Variants in MECOM observed in about 807,000 individuals in gnomAD.
MECOM encodes MDS1 and EVI1 complex locus, also known as histone-lysine N-methyltransferase MECOM.
A neutral mutation model predicts 116.3 loss-of-function variants in MECOM; 13 were observed. The ratio of observed to expected loss-of-function variants is 0.11; its 90% CI spans 0.07 to 0.18. MECOM has a LOEUF of 0.18. Among genes scored for constraint, MECOM ranks in the 10% least tolerant of loss-of-function variants. The pLI is 1.00. For missense variants in MECOM, 1,299 were observed against 1,509.0 expected (o/e 0.86, Z 2.31); for synonymous variants, 528 against 535.2 (o/e 0.99, Z 0.19).
chr3:169,092,627 G>A (rs1262256575), intron 14 of MECOM, among the ~76,000 whole-genome samples: 1 of 151,938 alleles, frequency 6.6e-6, no homozygotes, highest in South Asian at 2.1e-4. Flanking sequence ...CTAAATCCTG[G>A]TAAAATTATG....
rs1395892824 is a variant in MECOM, at chr3:169,131,509, T to C, written c.533A>G (p.Asp178Gly). 6.2e-7 allele frequency: 1 copy of C among 1,613,566 alleles called. No homozygotes were observed. The highest frequency in any genetic ancestry group is 1.1e-5 in the South Asian group (1 of 91,016). Reference protein sequence around the residue: ...NDQIFYRVVADIAPGEELLLF... With the variant: ...NDQIFYRVVAGIAPGEELLLF... ...CAGAAGCTCCTCTCCCGGCGCAATG[T>C]CTGCAACTACTCTATAGAATATCTT... Residue 178 changes from aspartate to glycine, a missense_variant, in exon 4 of 17, where the codon GAC becomes GGC. Around this residue, in one of 6 missense-constraint regions of MECOM, gnomAD observed 374 missense variants for 433.4 expected, o/e 0.86. Transcript: ENST00000651503.
intron 1 of MECOM, among the ~76,000 whole-genome samples, chr3:169,474,463 C>T (rs1055186473): frequency 6.6e-6 from 1 of 152,012 alleles, no homozygotes; most frequent in African/African-American, 2.4e-5. Flanking sequence ...GGTAATATAC[C>T]ACCTTGGGTT....
intron 2 of MECOM, among the ~76,000 whole-genome samples, chr3:169,217,834 T>A (rs1460468823): frequency 7.7e-6 from 1 of 130,666 alleles, no homozygotes; most frequent in East Asian, 2.1e-4. Context: ...CAAAATAAAA[T>A]ATATATGTAA....
chr3:169,261,699 C>A (rs893627665), intron 2 of MECOM, among the ~76,000 whole-genome samples: 3 of 149,436 alleles, frequency 2.0e-5, no homozygotes, highest in Admixed American at 1.3e-4. Flanking sequence ...GAAACTCCAT[C>A]TCAAGAAGAA....
chr3:169,643,914 C>A (rs1441984819), intron 1 of MECOM, among the ~76,000 whole-genome samples: 6 of 152,162 alleles, frequency 3.9e-5, no homozygotes, highest in African/African-American at 1.4e-4. Context: ...CACAAAACTG[C>A]CTCTGATAGC....
intron 2 of MECOM, among the ~76,000 whole-genome samples, chr3:169,340,049 A>G (rs1177279326): frequency 6.6e-6 from 1 of 152,234 alleles, no homozygotes; most frequent in Non-Finnish European, 1.5e-5. Flanking sequence ...AAACACTGCC[A>G]GTGAATTTTT....
intron 1 of MECOM, among the ~76,000 whole-genome samples, chr3:169,636,585 C>G (rs1210651577): frequency 6.6e-6 from 1 of 152,178 alleles, no homozygotes; most frequent in Admixed American, 6.5e-5. Context: ...CAGTTTATAA[C>G]TGCCAAGTAG....
At chr3:169,378,493 GAAAGAAAGAAAGAAAGAAAGAAA>G (rs2108255024) in intron 2 of MECOM, among the ~76,000 whole-genome samples, 2 of 30,906 alleles carry the variant, frequency 6.5e-5, no homozygotes, top group South Asian at 1.7e-3. Context: ...GAGAGAGAAA[GAAAGAAAGAAAGAAAGAAAGAAA>G]AGAAAGAAAG....
At chr3:169,347,005 C>A (rs993927130) in intron 2 of MECOM, among the ~76,000 whole-genome samples, 2 of 151,982 alleles carry the variant, frequency 1.3e-5, no homozygotes, top group Admixed American at 1.3e-4. Flanking sequence ...ATGGTATATC[C>A]ATTCAGTGGA....
intron 2 of MECOM, among the ~76,000 whole-genome samples, chr3:169,205,519 G>A (rs557280287): frequency 1.3e-5 from 2 of 152,102 alleles, no homozygotes; most frequent in East Asian, 1.9e-4. Flanking sequence ...ACATAACACC[G>A]GGATCCCCTA....
At chr3:169,280,695 T>G (rs573859744) in intron 2 of MECOM, among the ~76,000 whole-genome samples, 3 of 152,196 alleles carry the variant, frequency 2.0e-5, no homozygotes, top group African/African-American at 7.2e-5. Flanking sequence ...GCTCAAAAAC[T>G]GCATTTGATC....
At chr3:169,456,651 C>T (rs924899206) in intron 1 of MECOM, among the ~76,000 whole-genome samples, 1 of 152,050 alleles carries the variant, frequency 6.6e-6, no homozygotes, top group African/African-American at 2.4e-5. Flanking sequence ...TTAACAAGCC[C>T]ACTCCACGAT....
At chr3:169,425,666 G>A (rs779856108) in intron 1 of MECOM, among the ~76,000 whole-genome samples, 8 of 152,094 alleles carry the variant, frequency 5.3e-5, no homozygotes, top group Non-Finnish European at 8.8e-5. Flanking sequence ...AACAGTAAGC[G>A]ATAGAGCATA....
chr3:169,631,669 T>A (rs1002223989), intron 1 of MECOM, among the ~76,000 whole-genome samples: 3 of 142,126 alleles, frequency 2.1e-5, no homozygotes, highest in African/African-American at 7.9e-5. Context: ...TGTCCGTGTG[T>A]TCTCATTGTT....
At chr3:169,188,655 GC>G (rs1224415859) in intron 2 of MECOM, among the ~76,000 whole-genome samples, 2 of 152,062 alleles carry the variant, frequency 1.3e-5, no homozygotes, top group African/African-American at 4.8e-5. Flanking sequence ...GTCTGCTGCT[GC>G]CATGACTCTG....
intron 2 of MECOM, among the ~76,000 whole-genome samples, chr3:169,277,778 TG>T (rs751664824): frequency 9.3e-4 from 141 of 152,306 alleles, no homozygotes; most frequent in Non-Finnish European, 1.1e-3. Flanking sequence ...GGGTCCCAGA[TG>T]TGAACTCTGC....
intron 1 of MECOM, among the ~76,000 whole-genome samples, chr3:169,455,586 C>T (rs1029807550): frequency 3.9e-5 from 6 of 152,100 alleles, no homozygotes; most frequent in South Asian, 2.1e-4. Context: ...CTCATAATTC[C>T]GGAATATTTT....
chr3:169,242,801 G>A (rs533104111), intron 2 of MECOM, among the ~76,000 whole-genome samples: 1 of 151,994 alleles, frequency 6.6e-6, no homozygotes, highest in African/African-American at 2.4e-5. Context: ...TTGAGGGCCA[G>A]GGAGAGAAAC....
intron 1 of MECOM, among the ~76,000 whole-genome samples, chr3:169,520,372 C>A (rs1287892305): frequency 6.6e-6 from 1 of 152,204 alleles, no homozygotes; most frequent in Non-Finnish European, 1.5e-5. Context: ...CCTCCCTCAT[C>A]CTTGGACTTC....
Sources: gnomAD v4.1 joint callset for allele counts (sites outside exome capture counted in the v4.1 genomes callset) on GRCh38, gnomAD v4.1.1 for gene constraint, gnomAD v4.1.1 regional missense constraint, MANE v1.5 for transcripts, NCBI Gene and HGNC (gene_info 2026-07-23, HGNC 2026-07-21) for gene names.